The following DDX60L variants were observed in gnomAD, a reference collection of about 807,000 sequenced individuals.
DDX60L encodes the protein DExD/H-box 60 like.
In DDX60L, 191 loss-of-function variants were observed where a neutral mutation model predicts 211.6. The ratio of observed to expected loss-of-function variants is 0.90; its 90% CI spans 0.80 to 1.02. DDX60L has a LOEUF of 1.02. DDX60L is among the 50% of genes least tolerant of loss of function. DDX60L has a pLI of 0.00. For synonymous variants in DDX60L, 706 were observed against 694.1 expected, an observed-to-expected ratio of 1.02 and a Z score of -0.27; for missense variants, 2,007 against 1,984.1, an observed-to-expected ratio of 1.01 and a Z score of -0.22.
chr4:168,369,449 G>A (rs1410037929), intron 36 of DDX60L, among the ~76,000 whole-genome samples: 1 of 147,930 alleles, frequency 6.8e-6, no homozygotes, highest in African/African-American at 2.5e-5. Context: ...TATCGGCAGT[G>A]TGAAAACAAA....
chr4:168,378,223 T>G (rs1343523080), intron 33 of DDX60L, 131 bp downstream of exon 33: 4 of 489,540 alleles, frequency 8.2e-6, no homozygotes, highest in Non-Finnish European at 1.4e-5. Context: ...ACTCTAATTA[T>G]GAAAAGACAA....
At chr4:168,419,493 A>G in intron 18 of DDX60L, 96 bp from the exon 19 acceptor site, 1 of 737,356 alleles carries the variant, frequency 1.4e-6, no homozygotes, top group South Asian at 2.5e-5. Context: ...TGCTGCTGAT[A>G]GCAGTTTCAT....
intron 4 of DDX60L, among the ~76,000 whole-genome samples, chr4:168,465,742 G>A (rs191449142): frequency 1.3e-5 from 2 of 152,176 alleles, no homozygotes; most frequent in East Asian, 3.9e-4. Context: ...ACCATTTACT[G>A]AAGACACTGT....
intron 36 of DDX60L, among the ~76,000 whole-genome samples, chr4:168,363,598 T>C (rs566600589): frequency 1.7e-4 from 26 of 152,334 alleles, no homozygotes; most frequent in African/African-American, 6.0e-4. Context: ...AAAATATTTT[T>C]ATGTGACCAA....
At position 168,453,119 on chromosome 4, in the gene DDX60L, T is replaced by C; in HGVS notation, c.996+5A>G. Reference sequence around the variant, plus strand: ...TCAGACAAAAAATAAACAAAATATGTTTACCATTTTTAAGAAAGAATCACT... The same window carrying C: ...TCAGACAAAAAATAAACAAAATATGCTTACCATTTTTAAGAAAGAATCACT... On this transcript the variant is annotated splice_donor_5th_base_variant and intron_variant, in intron 8 of 37. Transcript: ENST00000682922. The C allele has an allele frequency of 6.2e-7, 1 of 1,601,860 alleles. No homozygotes were observed. The highest frequency in any genetic ancestry group is 8.5e-7 in the Non-Finnish European group (1 of 1,175,020).
intron 35 of DDX60L, 42 bp from the exon 36 acceptor site, chr4:168,371,805 AAGAGTAACTG>A: frequency 6.6e-7 from 1 of 1,521,498 alleles, no homozygotes. Flanking sequence ...CTGATATGTA[AAGAGTAACTG>A]TTTGCAGTTT....
At chr4:168,442,538 GC>G (rs1754060997) in intron 9 of DDX60L, among the ~76,000 whole-genome samples, 1 of 152,216 alleles carries the variant, frequency 6.6e-6, no homozygotes, top group African/African-American at 2.4e-5. Flanking sequence ...GCTCAAGGAG[GC>G]CTGCCTGCCT....
chr4:168,403,649 G>C (rs769673910), intron 25 of DDX60L, among the ~76,000 whole-genome samples: 1 of 152,140 alleles, frequency 6.6e-6, no homozygotes, highest in Non-Finnish European at 1.5e-5. Context: ...TTTTACATCT[G>C]TACATGAAAA....
At chr4:168,434,490 T>G (rs755561936) in intron 10 of DDX60L, among the ~76,000 whole-genome samples, 1 of 152,180 alleles carries the variant, frequency 6.6e-6, no homozygotes, top group Admixed American at 6.5e-5. Flanking sequence ...ATAGTTACGC[T>G]ATTGTGTAAG....
intron 24 of DDX60L, among the ~76,000 whole-genome samples, chr4:168,404,856 T>C (rs1218586853): frequency 6.6e-6 from 1 of 152,248 alleles, no homozygotes; most frequent in African/African-American, 2.4e-5. Flanking sequence ...TGAATAATTT[T>C]CTTGACAAAG....
chr4:168,395,201 A>T (rs1211786312), intron 27 of DDX60L, among the ~76,000 whole-genome samples: 1 of 152,258 alleles, frequency 6.6e-6, no homozygotes, highest in Non-Finnish European at 1.5e-5. Flanking sequence ...CTAGAGTAAG[A>T]CAACTGGTTA....
intron 16 of DDX60L, among the ~76,000 whole-genome samples, chr4:168,422,209 CT>C (rs1464237321): frequency 2.6e-5 from 4 of 152,182 alleles, no homozygotes. Context: ...TTAGAAAACA[CT>C]TTTTCCAATT....
chr4:168,403,968 T>G lies in DDX60L; in HGVS notation c.3338+14A>C. 1 of 1,427,338 alleles carries G rather than the reference T, an allele frequency of 7.0e-7. No homozygotes were observed. Among genetic ancestry groups the G allele is most frequent in the South Asian group, 1.5e-5 (1 of 65,786 alleles). 88.4% of individuals were successfully genotyped at this position (1,427,338 alleles called of 1,614,324 possible). On this transcript the variant is annotated intron_variant, in intron 25 of 37. Coordinates refer to ENST00000682922, the MANE Select transcript of DDX60L (RefSeq NM_001012967.3). ...CACATATAAACAAAGATAAATTAAG[T>G]TTCAGTTACTTACAAAAAAAATATT...
At chr4:168,421,671 T>TG in intron 17 of DDX60L, 89 bp downstream of exon 17, 1 of 1,505,468 alleles carries the variant, frequency 6.6e-7, no homozygotes, top group South Asian at 1.2e-5. Context: ...AAAATAACAG[T>TG]GAATTAGATC....
In DDX60L at chr4:168,396,008, T is replaced by C. The variant is rs1194974999; in HGVS notation, c.3608A>G (p.Tyr1203Cys). ...KILEISEDCT[Y>C]ADVKALHTEI... ...AGTGTGTAGGGCTTTGACATCAGCA[T>C]ACGTGCAGTCCTCAGAAATTTCCAG... is the stretch of plus-strand genomic sequence containing the variant. Residue 1203 changes from tyrosine to cysteine, a missense_variant, in exon 27 of 38, where the codon TAT becomes TGT. Coordinates refer to ENST00000682922, the MANE Select transcript of DDX60L (RefSeq NM_001012967.3). 6.2e-7 allele frequency: 1 copy of C among 1,611,948 alleles called. No homozygotes were observed. The highest frequency in any genetic ancestry group is 1.1e-5 in the South Asian group (1 of 90,974).
chr4:168,363,890 T>C (rs1739508822), intron 36 of DDX60L, among the ~76,000 whole-genome samples: 2 of 152,156 alleles, frequency 1.3e-5, no homozygotes, highest in African/African-American at 4.8e-5. Context: ...AAGTCTCCAG[T>C]TAAAAGATAC....
In DDX60L at chr4:168,459,290, A is replaced by C. The variant is rs1756986473; in HGVS notation, c.607-1282T>G. On this transcript the variant is annotated intron_variant, in intron 5 of 37. Coordinates refer to ENST00000682922, the MANE Select transcript of DDX60L (RefSeq NM_001012967.3). ...CACTTGAGCCCAGGAGTTTGAAACCAGCCTGGGCAACATAGCGAGACCCTA... is the reference window on the plus strand; with the variant it reads ...CACTTGAGCCCAGGAGTTTGAAACCCGCCTGGGCAACATAGCGAGACCCTA... Among the ~76,000 whole-genome samples, 3 of 152,064 alleles carry C rather than the reference A, an allele frequency of 2.0e-5. No homozygotes were observed. In the South Asian group the frequency reaches 6.2e-4, roughly 32 times the overall value.
intron 25 of DDX60L, 117 bp from the exon 26 acceptor site, chr4:168,401,095 C>A (rs1436075832): frequency 2.2e-6 from 2 of 929,530 alleles, no homozygotes; most frequent in South Asian, 1.8e-5. Flanking sequence ...TAGGCCAGGG[C>A]ACTCTAAAAT....
rs371499006 is a variant in DDX60L at position 168,396,011 on chromosome 4, G to A, written c.3605C>T (p.Thr1202Met). Residue 1202 changes from threonine (T) to methionine (M), a missense_variant, in exon 27 of 38, where the codon ACG becomes ATG. Coordinates refer to ENST00000682922, the MANE Select transcript of DDX60L (RefSeq NM_001012967.3). Reference sequence around the variant, plus strand: ...GTGTAGGGCTTTGACATCAGCATACGTGCAGTCCTCAGAAATTTCCAGAAT... The same window carrying A: ...GTGTAGGGCTTTGACATCAGCATACATGCAGTCCTCAGAAATTTCCAGAAT... ...LKILEISEDCTYADVKALHTE... is the reference protein window; with the variant it reads ...LKILEISEDCMYADVKALHTE... 3.7e-5 allele frequency: 60 copies of A among 1,610,938 alleles called. No individual in the cohort carries two copies. Among genetic ancestry groups the A allele is most frequent in the South Asian group, 1.2e-4 (11 of 90,964 alleles).
Sources: gnomAD v4.1 joint callset for allele counts (sites outside exome capture counted in the v4.1 genomes callset) on GRCh38, gnomAD v4.1.1 for gene constraint, MANE v1.5 for transcripts, NCBI Gene and HGNC (gene_info 2026-07-23, HGNC 2026-07-21) for gene names.